The following TNS1 variants were observed in gnomAD, a reference collection of about 807,000 sequenced individuals.
TNS1 encodes the protein tensin 1, also known as tensin-1.
A neutral mutation model predicts 168.6 loss-of-function variants in TNS1; 62 were observed. The observed-to-expected ratio is 0.37, with a 90% CI of 0.30 to 0.45. TNS1 has a LOEUF of 0.45. Among genes scored for constraint, TNS1 ranks in the 20% least tolerant of loss-of-function variants. The pLI is 1.00. For synonymous variants in TNS1, 934 were observed against 933.2 expected (o/e 1.00, Z -0.02); for missense variants, 2,240 against 2,339.4 (o/e 0.96, Z 0.88).
At position 217,804,579 on chromosome 2, in the gene TNS1, C is replaced by T. The variant is rs763333459; in HGVS notation, c.5400G>A (p.Lys1800=). The part of the protein sequence containing the change: ...PAKLFGFVAR[K]QGSTTDNACH... ...AGGCGTTGTCCGTGGTGCTGCCCTG[C>T]TTCCGGGCCACGAAGCCGAAGAGCC... The change falls in exon 33 of 33, where the codon AAG becomes AAA. Residue 1800 remains lysine, a synonymous_variant. Coordinates refer to ENST00000682258, the MANE Select transcript of TNS1 (RefSeq NM_001387777.1). 3 of 1,614,110 alleles carry T rather than the reference C, an allele frequency of 1.9e-6. No homozygotes were observed. Among genetic ancestry groups the T allele is most frequent in the Middle Eastern group, 1.7e-4 (1 of 6,058 alleles).
intron 2 of TNS1, 49 bp from the exon 3 acceptor site, chr2:217,978,851 A>T: frequency 1.4e-6 from 1 of 701,316 alleles, no homozygotes; most frequent in Non-Finnish European, 2.6e-6. Context: ...CGAGGTATGA[A>T]ATGGAAACTC....
At chr2:217,944,550 T>C (rs951604565) in intron 3 of TNS1, among the ~76,000 whole-genome samples, 12 of 152,260 alleles carry the variant, frequency 7.9e-5, no homozygotes, top group Non-Finnish European at 1.8e-4. Flanking sequence ...CAACTCATTT[T>C]GTGACTGGAG....
intron 3 of TNS1, among the ~76,000 whole-genome samples, chr2:217,936,244 G>A (rs1285654928): frequency 6.6e-6 from 1 of 152,048 alleles, no homozygotes; most frequent in African/African-American, 2.4e-5. Flanking sequence ...TGTGTTCCAG[G>A]TCAGATGGTA....
intron 4 of TNS1, among the ~76,000 whole-genome samples, chr2:217,918,217 G>A (rs567634683): frequency 3.9e-5 from 6 of 152,336 alleles, no homozygotes; most frequent in East Asian, 3.9e-4. Context: ...CATAGGTACC[G>A]TCACTAACGT....
intron 4 of TNS1, among the ~76,000 whole-genome samples, chr2:217,913,416 T>C (rs565924766): frequency 2.0e-5 from 3 of 152,234 alleles, no homozygotes; most frequent in African/African-American, 7.2e-5. Context: ...CAGGTTGGAA[T>C]ATTTTGTGTT....
At chr2:217,949,636 TG>T (rs946741922) in intron 3 of TNS1, among the ~76,000 whole-genome samples, 1 of 152,178 alleles carries the variant, frequency 6.6e-6, no homozygotes, top group Non-Finnish European at 1.5e-5. Context: ...GTCAACTTCC[TG>T]ACTTGCCAAA....
intron 22 of TNS1, among the ~76,000 whole-genome samples, chr2:217,829,302 T>C (rs911503279): frequency 1.3e-5 from 2 of 151,904 alleles, no homozygotes; most frequent in Non-Finnish European, 2.9e-5. Context: ...GGAGAATTGC[T>C]TGAACCTGGG....
intron 22 of TNS1, chr2:217,829,942 TG>T: frequency 6.2e-7 from 1 of 1,605,014 alleles, no homozygotes; most frequent in Non-Finnish European, 8.5e-7. Context: ...GGGCAGGTGG[TG>T]AAGATGAGGA....
At chr2:217,842,884 C>G (rs1946167107) in intron 19 of TNS1, among the ~76,000 whole-genome samples, 1 of 152,178 alleles carries the variant, frequency 6.6e-6, no homozygotes, top group Admixed American at 6.5e-5. Context: ...CCTGATCATC[C>G]CATGTAAAGT....
intron 4 of TNS1, among the ~76,000 whole-genome samples, chr2:217,914,674 C>T (rs747041036): frequency 3.9e-5 from 6 of 152,100 alleles, no homozygotes; most frequent in African/African-American, 9.7e-5. Context: ...TTAGTAGAGA[C>T]GGGGTTTCAC....
At chr2:218,005,954 G>A (rs1001296181), upstream of TNS1, among the ~76,000 whole-genome samples, 18 of 152,142 alleles carry the variant, frequency 1.2e-4, no homozygotes, top group African/African-American at 4.3e-4. Context: ...ATTCATCTTG[G>A]GATCCCCACC....
At chr2:217,942,537 C>G (rs139915028) in intron 3 of TNS1, among the ~76,000 whole-genome samples, 1 of 152,180 alleles carries the variant, frequency 6.6e-6, no homozygotes, top group Non-Finnish European at 1.5e-5. Context: ...TTCAGGCTTA[C>G]AGGAGTGGCC....
At chr2:218,019,973 T>C (rs899375325) in intron 1 of TNS1, among the ~76,000 whole-genome samples, 1 of 152,052 alleles carries the variant, frequency 6.6e-6, no homozygotes, top group East Asian at 1.9e-4. Flanking sequence ...GCCCTACTCT[T>C]TTTTGCAGGT....
chr2:217,927,454 A>C (rs1956090909), intron 3 of TNS1, among the ~76,000 whole-genome samples: 1 of 152,222 alleles, frequency 6.6e-6, no homozygotes, highest in Admixed American at 6.5e-5. Context: ...CAGTAAAGGC[A>C]CTTGTGTAGG....
intron 15 of TNS1, among the ~76,000 whole-genome samples, 168 bp downstream of exon 15, chr2:217,885,576 C>T (rs1032549211): frequency 6.6e-6 from 1 of 152,194 alleles, no homozygotes; most frequent in Non-Finnish European, 1.5e-5. Context: ...GTGAGAGACA[C>T]AGACTGTGTG....
intron 3 of TNS1, among the ~76,000 whole-genome samples, chr2:217,971,487 G>C (rs967539865): frequency 6.6e-6 from 1 of 152,156 alleles, no homozygotes; most frequent in South Asian, 2.1e-4. Flanking sequence ...GAATATAAAG[G>C]TTCGTTCCAG....
chr2:218,027,993 C>T (rs571278673), intron 1 of TNS1, among the ~76,000 whole-genome samples: 1 of 152,214 alleles, frequency 6.6e-6, no homozygotes, highest in African/African-American at 2.4e-5. Flanking sequence ...GATTTGGTGG[C>T]AACGCTCAGA....
intron 19 of TNS1, among the ~76,000 whole-genome samples, chr2:217,847,060 C>T (rs1039498492): frequency 2.6e-5 from 4 of 152,230 alleles, no homozygotes; most frequent in Admixed American, 2.6e-4. Context: ...AGTCTGAGGA[C>T]AGACAGCACG....
chr2:217,978,738 C>T lies in TNS1; in HGVS notation c.186+27G>A, dbSNP rs1469634605. 8.5e-6 allele frequency: 6 copies of T among 702,018 alleles called. No individual in the cohort carries two copies. The East Asian group carries it at 1.1e-4, about 13-fold the overall frequency. 43.5% of individuals were successfully genotyped at this position (702,018 alleles called of 1,614,324 possible). A position where few individuals can be genotyped will look rare whatever the true frequency, so the allele number is the denominator to read the frequency against. On this transcript the variant is annotated intron_variant, in intron 3 of 32. Transcript: ENST00000682258. ...GAGCCAGGCCTGTCCCAAGTCCTCC[C>T]GGGCCCGCCAGCCCGCGGCCCCTTA... is the stretch of plus-strand genomic sequence containing the variant.
Sources: gnomAD v4.1 joint callset for allele counts (sites outside exome capture counted in the v4.1 genomes callset) on GRCh38, gnomAD v4.1.1 for gene constraint, MANE v1.5 for transcripts, NCBI Gene and HGNC (gene_info 2026-07-23, HGNC 2026-07-21) for gene names.